Variants in LRRC1 observed in about 807,000 individuals in gnomAD.
The protein encoded by LRRC1 is leucine-rich repeat-containing protein 1.
In LRRC1, 28 loss-of-function variants were observed where a neutral mutation model predicts 69.9. That is an observed-to-expected ratio of 0.40 (90% CI 0.30 to 0.55). The LOEUF is 0.55. Among genes scored for constraint, LRRC1 ranks in the 20% least tolerant of loss-of-function variants. The pLI, the probability that LRRC1 is intolerant of heterozygous loss-of-function variation, is 0.47. For synonymous variants in LRRC1, 236 were observed against 240.2 expected (o/e 0.98, Z 0.16); for missense variants, 498 against 609.0 (o/e 0.82, Z 1.92).
chr6:53,816,696 G>A (rs563094175), intron 1 of LRRC1, among the ~76,000 whole-genome samples: 80 of 141,706 alleles, frequency 5.6e-4, no homozygotes, highest in Non-Finnish European at 8.5e-4. Context: ...TTTGTAAACT[G>A]AATATTTCTT....
chr6:53,803,787 G>A (rs1764559310), intron 1 of LRRC1, among the ~76,000 whole-genome samples: 1 of 152,140 alleles, frequency 6.6e-6, no homozygotes, highest in Non-Finnish European at 1.5e-5. Flanking sequence ...GTGGAAGGTG[G>A]TGTTACACCT....
chr6:53,816,884 C>T (rs762792034), intron 1 of LRRC1, among the ~76,000 whole-genome samples: 2 of 152,208 alleles, frequency 1.3e-5, no homozygotes, highest in African/African-American at 2.4e-5. Context: ...CATTTCAACA[C>T]ATTAGCTTCA....
intron 1 of LRRC1, among the ~76,000 whole-genome samples, chr6:53,820,320 T>C (rs1172527869): frequency 6.6e-6 from 1 of 151,220 alleles, no homozygotes; most frequent in African/African-American, 2.4e-5. Context: ...CATCCCCATA[T>C]GCTTTCCTAG....
intron 1 of LRRC1, among the ~76,000 whole-genome samples, chr6:53,798,508 A>G (rs936585702): frequency 6.6e-6 from 1 of 152,192 alleles, no homozygotes; most frequent in Non-Finnish European, 1.5e-5. Flanking sequence ...CCTCTCGAGT[A>G]GCTGGGACTA....
Position 53,920,673 on chromosome 6 carries a change from C to G in LRRC1, c.1328C>G (p.Ser443Cys). ...CTGGAGAACTTGGTAAATGATGTCT[C>G]TGATGAAGCCTGGAACGAGCGTGCT... is the stretch of plus-strand genomic sequence containing the variant. ...GALENLVNDVSDEAWNERAVN... is the reference protein window; with the variant it reads ...GALENLVNDVCDEAWNERAVN... Residue 443 changes from serine to cysteine, a missense_variant, in exon 13 of 14, where the codon TCT becomes TGT. Ser to Cys is a moderately radical substitution (Grantham distance 112). Coordinates refer to ENST00000370888, the MANE Select transcript of LRRC1 (RefSeq NM_018214.5). 6.2e-7 allele frequency: 1 copy of G among 1,614,174 alleles called. No individual in the cohort carries two copies. Among genetic ancestry groups the G allele is most frequent in the Admixed American group, 1.7e-5 (1 of 60,026 alleles).
At chr6:53,814,979 A>G (rs557225191) in intron 1 of LRRC1, among the ~76,000 whole-genome samples, 36 of 152,332 alleles carry the variant, frequency 2.4e-4, no homozygotes, top group African/African-American at 8.4e-4. Context: ...TCTTGTGTAT[A>G]AGGAACTAGG....
intron 2 of LRRC1, among the ~76,000 whole-genome samples, chr6:53,859,575 G>A (rs1255831796): frequency 6.6e-6 from 1 of 152,116 alleles, no homozygotes; most frequent in Non-Finnish European, 1.5e-5. Context: ...TAAGTCCGTG[G>A]AACAATGGCT....
Position 53,820,838 on chromosome 6 carries a change from T to A in LRRC1, c.160-21272T>A, listed in dbSNP as rs558435896. ...AAATTAAAACTTAGTAAATATTTTT[T>A]AAAAATGAAGCAGATATGACTAAAG... On this transcript the variant is annotated intron_variant, in intron 1 of 13. Transcript: ENST00000370888. Among the ~76,000 whole-genome samples, 13 of 152,260 alleles carry A rather than the reference T, an allele frequency of 8.5e-5. No homozygotes were observed. The South Asian group carries it at 1.7e-3, about 19-fold the overall frequency.
At chr6:53,839,317 T>C (rs1765697905) in intron 1 of LRRC1, among the ~76,000 whole-genome samples, 1 of 152,062 alleles carries the variant, frequency 6.6e-6, no homozygotes, top group Non-Finnish European at 1.5e-5. Flanking sequence ...ATACAATCTT[T>C]TTTACCAACA....
chr6:53,917,219 C>G (rs1768594008), intron 11 of LRRC1, among the ~76,000 whole-genome samples: 1 of 152,204 alleles, frequency 6.6e-6, no homozygotes. Context: ...GTTAGAGGAT[C>G]AGCCAGCCTG....
chr6:53,811,673 A>G (rs1581845815), intron 1 of LRRC1, among the ~76,000 whole-genome samples: 1 of 152,354 alleles, frequency 6.6e-6, no homozygotes, highest in South Asian at 2.1e-4. Flanking sequence ...CTGCCCTCAC[A>G]TCAGCCTTAT....
chr6:53,846,978 G>T (rs925481913), intron 2 of LRRC1, among the ~76,000 whole-genome samples: 4 of 152,136 alleles, frequency 2.6e-5, no homozygotes, highest in Admixed American at 6.5e-5. Flanking sequence ...AATCTATGCT[G>T]TAATTTGACT....
chr6:53,894,256 A>G (rs908286429), intron 4 of LRRC1, among the ~76,000 whole-genome samples: 4 of 152,184 alleles, frequency 2.6e-5, no homozygotes, highest in Admixed American at 6.5e-5. Context: ...AGCATCATCA[A>G]CTTGCTGGGT....
Position 53,902,505 on chromosome 6 carries a change from A to G in LRRC1, c.788-124A>G, listed in dbSNP as rs780556992. The stretch of plus-strand genomic sequence containing the variant: ...ATAGAGTTTCATAATGTGAAAAGCT[A>G]GATGAGGAAAAAATAAGTAACTGTT... On this transcript the variant is annotated intron_variant, in intron 8 of 13. Coordinates refer to ENST00000370888, the MANE Select transcript of LRRC1 (RefSeq NM_018214.5). The G allele has an allele frequency of 1.5e-4, 80 of 525,168 alleles. 2 individuals are homozygous for G. The Admixed American group carries it at 1.8e-3, about 12-fold the overall frequency. 32.5% of individuals were successfully genotyped at this position (525,168 alleles called of 1,614,324 possible).
At chr6:53,883,610 G>A (rs1767371898) in intron 4 of LRRC1, among the ~76,000 whole-genome samples, 1 of 152,212 alleles carries the variant, frequency 6.6e-6, no homozygotes, top group Non-Finnish European at 1.5e-5. Context: ...CATTCCCACA[G>A]ACGAACTAGT....
chr6:53,890,862 G>C (rs1390548286), intron 4 of LRRC1, among the ~76,000 whole-genome samples: 2 of 152,024 alleles, frequency 1.3e-5, no homozygotes, highest in African/African-American at 4.8e-5. Flanking sequence ...GGTTTACAGT[G>C]AACTGCCACT....
chr6:53,899,391 G>C (rs1438121638), intron 7 of LRRC1, among the ~76,000 whole-genome samples: 1 of 152,202 alleles, frequency 6.6e-6, no homozygotes, highest in Non-Finnish European at 1.5e-5. Context: ...GCTTACTAGA[G>C]ATCAATTCCG....
At chr6:53,903,668 G>C (rs1042085445) in intron 9 of LRRC1, among the ~76,000 whole-genome samples, 24 of 152,116 alleles carry the variant, frequency 1.6e-4, no homozygotes, top group African/African-American at 5.3e-4. Flanking sequence ...AGAAAGGATG[G>C]AGTGCACAGA....
chr6:53,868,557 T>A (rs1405677868), intron 2 of LRRC1, among the ~76,000 whole-genome samples: 3 of 152,206 alleles, frequency 2.0e-5, no homozygotes, highest in Non-Finnish European at 4.4e-5. Flanking sequence ...TTATTTGGCC[T>A]TGAATGGAAA....
Sources: gnomAD v4.1 joint callset for allele counts (sites outside exome capture counted in the v4.1 genomes callset) on GRCh38, gnomAD v4.1.1 for gene constraint, MANE v1.5 for transcripts, NCBI Gene and HGNC (gene_info 2026-07-23, HGNC 2026-07-21) for gene names.